The following KIRREL3 variants were observed in gnomAD, a reference collection of about 807,000 sequenced individuals.
KIRREL3 encodes the protein kirre like nephrin family adhesion molecule 3, also known as kin of IRRE-like protein 3.
A neutral mutation model predicts 89.7 loss-of-function variants in KIRREL3; 36 were observed. The observed-to-expected ratio is 0.40, with a 90% CI of 0.31 to 0.53. KIRREL3 has a LOEUF of 0.53. KIRREL3 is among the 20% of genes least tolerant of loss of function. KIRREL3 has a pLI of 0.49. For synonymous variants in KIRREL3, 445 were observed against 441.4 expected (o/e 1.01, Z -0.10); for missense variants, 864 against 1,056.6 (o/e 0.82, Z 2.53).
In KIRREL3 at chr11:126,797,219, A is replaced by G. The variant is rs1211155575; in HGVS notation, c.55+203236T>C. Among the ~76,000 whole-genome samples the G allele has an allele frequency of 4.6e-5, 7 of 152,134 alleles. No individual in the cohort carries two copies. The highest frequency in any genetic ancestry group is 1.0e-4 in the Non-Finnish European group (7 of 68,020). ...AGCCTAGGCTCTGAATATGGGACCA[A>G]TTTGAATTTAGATCCCACCTCTGCC... On this transcript the variant is annotated intron_variant, in intron 1 of 16. Coordinates refer to ENST00000525144, the MANE Select transcript of KIRREL3 (RefSeq NM_032531.4). This position sits in a 1 kb window ranked among gnomAD's most constrained non-coding sequence, Gnocchi z 4.9.
rs1456558079 is a variant in KIRREL3 at position 126,788,029 on chromosome 11, G to C, written c.55+212426C>G. Among the ~76,000 whole-genome samples, 1 of 152,140 alleles carries C rather than the reference G, an allele frequency of 6.6e-6. No homozygotes were observed. Among genetic ancestry groups the C allele is most frequent in the East Asian group, 1.9e-4 (1 of 5,190 alleles). Reference sequence around the variant, plus strand: ...AGGCAGGGAAGCTGAAGCACAGAGAGGTCAAGTCAATTGCCCCAGCTGATC... The same window carrying C: ...AGGCAGGGAAGCTGAAGCACAGAGACGTCAAGTCAATTGCCCCAGCTGATC... On this transcript the variant is annotated intron_variant, in intron 1 of 16. Coordinates refer to ENST00000525144, the MANE Select transcript of KIRREL3 (RefSeq NM_032531.4). This position sits in a 1 kb window ranked among gnomAD's most constrained non-coding sequence, Gnocchi z 4.1.
Position 126,970,876 on chromosome 11 carries a change from A to G in KIRREL3, c.55+29579T>C, listed in dbSNP as rs535585574. 2.0e-5 allele frequency among the ~76,000 whole-genome samples: 3 copies of G among 152,332 alleles called. No individual in the cohort carries two copies. Among genetic ancestry groups the G allele is most frequent in the South Asian group, 4.1e-4 (2 of 4,830 alleles). On this transcript the variant is annotated intron_variant, in intron 1 of 16. Transcript: ENST00000525144. The surrounding 1 kb of genome is among the most constrained non-coding windows in gnomAD (Gnocchi z 4.4). ...GATCCAATGAGGCTCACCTGCTGCCAGGTATCTACGCAGCAGGAGAACCAC... is the reference window on the plus strand; with the variant it reads ...GATCCAATGAGGCTCACCTGCTGCCGGGTATCTACGCAGCAGGAGAACCAC...
At chr11:126,548,627 C>A (rs1756257618) in intron 2 of KIRREL3, among the ~76,000 whole-genome samples, 1 of 152,246 alleles carries the variant, frequency 6.6e-6, no homozygotes, top group Non-Finnish European at 1.5e-5. Flanking sequence ...CCCGCTGGCA[C>A]CTCTGCACCT....
chr11:126,435,187 C>T, intron 13 of KIRREL3, 81 bp downstream of exon 13: 4 of 1,458,416 alleles, frequency 2.7e-6, no homozygotes, highest in Non-Finnish European at 3.8e-6. Context: ...GCCTCCCTAC[C>T]CCCTGCTGGG....
chr11:126,730,664 C>A (rs1565685039), intron 1 of KIRREL3, among the ~76,000 whole-genome samples: 2 of 152,214 alleles, frequency 1.3e-5, no homozygotes, highest in Non-Finnish European at 2.9e-5. Flanking sequence ...CAGGCGGCCC[C>A]TGCAACCAAG....
chr11:126,806,142 T>G (rs1040384086), intron 1 of KIRREL3, among the ~76,000 whole-genome samples: 10 of 152,288 alleles, frequency 6.6e-5, no homozygotes, highest in South Asian at 4.1e-4. Flanking sequence ...CTGAATAAGA[T>G]GAAAGGCCAG....
rs971584960 is a variant in KIRREL3, at chr11:126,796,187, G to T, written c.55+204268C>A. Reference sequence around the variant, plus strand: ...TCTAGAGGTCATGAAGGGAAGAAGGGGTTAAAAAAAAAAAAGGCAAGACAC... The same window carrying T: ...TCTAGAGGTCATGAAGGGAAGAAGGTGTTAAAAAAAAAAAAGGCAAGACAC... On this transcript the variant is annotated intron_variant, in intron 1 of 16. Transcript: ENST00000525144. The surrounding 1 kb of genome is among the most constrained non-coding windows in gnomAD (Gnocchi z 5.1). Among the ~76,000 whole-genome samples, 2 of 151,052 alleles carry T rather than the reference G, an allele frequency of 1.3e-5. No individual in the cohort carries two copies. Among genetic ancestry groups the T allele is most frequent in the Non-Finnish European group, 2.9e-5 (2 of 67,818 alleles).
intron 9 of KIRREL3, among the ~76,000 whole-genome samples, chr11:126,446,016 C>T (rs145464871): frequency 0.028 from 4,212 of 152,100 alleles, 89 homozygotes; most frequent in Middle Eastern, 0.058. Flanking sequence ...GGCGTGGTGG[C>T]CCATACCCAT....
chr11:126,914,210 C>A (rs1194863531), intron 1 of KIRREL3, among the ~76,000 whole-genome samples: 1 of 152,084 alleles, frequency 6.6e-6, no homozygotes, highest in Admixed American at 6.6e-5. Context: ...GGAAAGGGCA[C>A]GTGGAGTAGG....
Position 126,531,486 on chromosome 11 carries a change from G to C in KIRREL3, c.134-4799C>G, listed in dbSNP as rs1424065400. Among the ~76,000 whole-genome samples, 1 of 151,834 alleles carries C rather than the reference G, an allele frequency of 6.6e-6. No individual in the cohort carries two copies. The highest frequency in any genetic ancestry group is 6.6e-5 in the Admixed American group (1 of 15,252). On this transcript the variant is annotated intron_variant, in intron 2 of 16. Coordinates refer to ENST00000525144, the MANE Select transcript of KIRREL3 (RefSeq NM_032531.4). This position sits in a 1 kb window ranked among gnomAD's most constrained non-coding sequence, Gnocchi z 4.7. ...GGAGCTCCACAGCACCCCCGTGCTG[G>C]CTAGTCACTAAGGTCACCTGCCTCG...
At chr11:126,445,251 C>A in intron 9 of KIRREL3, 146 bp from the exon 10 acceptor site, 1 of 1,008,300 alleles carries the variant, frequency 9.9e-7, no homozygotes, top group South Asian at 1.6e-5. Flanking sequence ...AGGAAAGAGG[C>A]CAAAAGTTTC....
chr11:126,653,557 C>T lies in KIRREL3; in HGVS notation c.56-90645G>A, dbSNP rs951651448. 1.1e-4 allele frequency among the ~76,000 whole-genome samples: 16 copies of T among 152,164 alleles called. No individual in the cohort carries two copies. The highest frequency in any genetic ancestry group is 3.9e-4 in the African/African-American group (16 of 41,432). The stretch of plus-strand genomic sequence containing the variant: ...CACCAGATACGGAATGAGAAAAAAG[C>T]GGCACCGGAAGTGGCATTTTGCAAA... On this transcript the variant is annotated intron_variant, in intron 1 of 16. Coordinates refer to ENST00000525144, the MANE Select transcript of KIRREL3 (RefSeq NM_032531.4). This position sits in a 1 kb window ranked among gnomAD's most constrained non-coding sequence, Gnocchi z 5.4.
chr11:126,439,687 G>C (rs1207536943), intron 11 of KIRREL3, among the ~76,000 whole-genome samples: 1 of 151,572 alleles, frequency 6.6e-6, no homozygotes, highest in African/African-American at 2.4e-5. Flanking sequence ...TGTGGTGGCA[G>C]ATGCCTGTAA....
At chr11:126,784,752 C>T (rs1170784984) in intron 1 of KIRREL3, among the ~76,000 whole-genome samples, 2 of 152,146 alleles carry the variant, frequency 1.3e-5, no homozygotes, top group African/African-American at 2.4e-5. Context: ...ACAACCTGTA[C>T]AACCTTGGTA....
Position 126,782,877 on chromosome 11 carries a change from A to G in KIRREL3, c.55+217578T>C, listed in dbSNP as rs1950371296. On this transcript the variant is annotated intron_variant, in intron 1 of 16. Coordinates refer to ENST00000525144, the MANE Select transcript of KIRREL3 (RefSeq NM_032531.4). This position sits in a 1 kb window ranked among gnomAD's most constrained non-coding sequence, Gnocchi z 4.1. Reference sequence around the variant, plus strand: ...CAACAACATTACAGTAGCAACAAGCACACCTAACAATCCAGAGTTTGGTTT... The same window carrying G: ...CAACAACATTACAGTAGCAACAAGCGCACCTAACAATCCAGAGTTTGGTTT... 6.6e-6 allele frequency among the ~76,000 whole-genome samples: 1 copy of G among 152,218 alleles called. No homozygotes were observed. Among genetic ancestry groups the G allele is most frequent in the Non-Finnish European group, 1.5e-5 (1 of 68,030 alleles).
intron 1 of KIRREL3, among the ~76,000 whole-genome samples, chr11:126,922,693 T>C (rs1620264): frequency 0.85 from 128,981 of 152,028 alleles, 55,185 homozygotes; most frequent in Middle Eastern, 0.96. Flanking sequence ...TAAAAACAAA[T>C]AAAAAGCAGC....
intron 1 of KIRREL3, among the ~76,000 whole-genome samples, chr11:126,722,069 C>T (rs569421628): frequency 3.9e-5 from 6 of 152,354 alleles, no homozygotes; most frequent in African/African-American, 1.4e-4. Context: ...CACTTCCAGC[C>T]TTGTCTTCTG....
At chr11:126,810,518 C>T (rs891019458) in intron 1 of KIRREL3, among the ~76,000 whole-genome samples, 1 of 152,190 alleles carries the variant, frequency 6.6e-6, no homozygotes, top group African/African-American at 2.4e-5. Flanking sequence ...CAAGCTCTAA[C>T]ATGCTCCTCT....
rs188493553 is a variant in KIRREL3 at position 126,908,871 on chromosome 11, C to T, written c.55+91584G>A. ...TTGGGTATCACAATCTGCGGACGCT[C>T]GAGTCTCTGATATAAAGTAGTGTAG... On this transcript the variant is annotated intron_variant, in intron 1 of 16. Transcript: ENST00000525144. The surrounding 1 kb of genome is among the most constrained non-coding windows in gnomAD (Gnocchi z 4.2). Among the ~76,000 whole-genome samples the T allele has an allele frequency of 3.9e-5, 6 of 152,114 alleles. No individual in the cohort carries two copies. The highest frequency in any genetic ancestry group is 7.2e-5 in the African/African-American group (3 of 41,482).
Sources: gnomAD v4.1 joint callset for allele counts (sites outside exome capture counted in the v4.1 genomes callset) on GRCh38, gnomAD v4.1.1 for gene constraint, Gnocchi (gnomAD v3.1) non-coding constraint, MANE v1.5 for transcripts, NCBI Gene and HGNC (gene_info 2026-07-23, HGNC 2026-07-21) for gene names.